Variants in CCNY observed in about 807,000 individuals in gnomAD.
The protein encoded by CCNY is cyclin-Y.
In CCNY, 19 loss-of-function variants were observed where a neutral mutation model predicts 42.8. The observed-to-expected ratio is 0.44, with a 90% confidence interval of 0.31 to 0.65. CCNY has a LOEUF of 0.65. Among genes scored for constraint, CCNY ranks in the 30% least tolerant of loss-of-function variants. The pLI is 0.07. For synonymous variants in CCNY, 165 were observed against 162.7 expected (o/e 1.01, Z -0.11); for missense variants, 370 against 437.3 (o/e 0.85, Z 1.37).
chr10:35,356,939 C>G (rs931709103), intron 1 of CCNY, among the ~76,000 whole-genome samples: 1 of 152,182 alleles, frequency 6.6e-6, no homozygotes, highest in African/African-American at 2.4e-5. Context: ...TGTCTGTCCC[C>G]TGCCTGCCAT....
chr10:35,382,074 T>G (rs1837198181), intron 1 of CCNY, among the ~76,000 whole-genome samples: 2 of 152,242 alleles, frequency 1.3e-5, no homozygotes, highest in South Asian at 4.1e-4. Flanking sequence ...TAAAAAATAT[T>G]CCTTCCTGGG....
At chr10:35,524,157 GT>G (rs1840603335) in intron 4 of CCNY, among the ~76,000 whole-genome samples, 1 of 152,168 alleles carries the variant, frequency 6.6e-6, no homozygotes, top group Admixed American at 6.5e-5. Context: ...CTGAACCTGA[GT>G]TTTTCCCATT....
intron 1 of CCNY, among the ~76,000 whole-genome samples, chr10:35,480,159 A>T (rs1839634646): frequency 1.3e-5 from 2 of 152,134 alleles, no homozygotes; most frequent in South Asian, 2.1e-4. Flanking sequence ...GCTGTGTGTC[A>T]CCGCACTGGG....
intron 3 of CCNY, among the ~76,000 whole-genome samples, chr10:35,285,141 G>A (rs564778866): frequency 5.3e-5 from 8 of 151,976 alleles, no homozygotes; most frequent in African/African-American, 1.9e-4. Flanking sequence ...TCAGCCTTCC[G>A]AGTAGCTGGG....
At chr10:35,359,124 C>T (rs142336182) in intron 1 of CCNY, among the ~76,000 whole-genome samples, 3 of 152,230 alleles carry the variant, frequency 2.0e-5, no homozygotes, top group Non-Finnish European at 4.4e-5. Context: ...TTCCCCTGTA[C>T]TTCTTTGGAC....
At chr10:35,417,542 GT>G (rs1312897843) in intron 1 of CCNY, among the ~76,000 whole-genome samples, 1 of 152,172 alleles carries the variant, frequency 6.6e-6, no homozygotes, top group Non-Finnish European at 1.5e-5. Flanking sequence ...GTTTTTCTTT[GT>G]TTTAATAAAG....
chr10:35,403,952 G>A (rs890903178), intron 1 of CCNY, among the ~76,000 whole-genome samples: 1 of 152,250 alleles, frequency 6.6e-6, no homozygotes, highest in Non-Finnish European at 1.5e-5. Flanking sequence ...AATGTCAGGT[G>A]GATCAGAGAC....
intron 8 of CCNY, among the ~76,000 whole-genome samples, chr10:35,558,027 G>T (rs1841394566): frequency 6.6e-6 from 1 of 152,052 alleles, no homozygotes; most frequent in Non-Finnish European, 1.5e-5. Context: ...AACAGTTTTT[G>T]AATTATATGC....
chr10:35,569,444 G>A lies in CCNY; in HGVS notation c.*274G>A. ...CTGGAGGAGGAAATAAAGGGAAAGGGAAGTCGTGGAGAGGCAGGGAAAATG... is the reference window on the plus strand; with the variant it reads ...CTGGAGGAGGAAATAAAGGGAAAGGAAAGTCGTGGAGAGGCAGGGAAAATG... On this transcript the variant is annotated 3_prime_UTR_variant, in exon 10 of 10. Coordinates refer to ENST00000374704, the MANE Select transcript of CCNY (RefSeq NM_145012.6). The A allele has an allele frequency of 2.1e-6, 1 of 472,948 alleles. No individual in the cohort carries two copies. The highest frequency in any genetic ancestry group is 2.3e-5 in the South Asian group (1 of 43,492). The allele number at this position is 472,948 out of a possible 1,614,324, so 29.3% of individuals were successfully genotyped here.
At chr10:35,380,229 G>A (rs1203923664) in intron 1 of CCNY, among the ~76,000 whole-genome samples, 1 of 152,232 alleles carries the variant, frequency 6.6e-6, no homozygotes, top group Non-Finnish European at 1.5e-5. Flanking sequence ...TGTAATGAAT[G>A]CTTGGAGTCA....
At chr10:35,449,841 G>A (rs1328214910) in intron 1 of CCNY, 16 of 981,178 alleles carry the variant, frequency 1.6e-5, no homozygotes, top group Non-Finnish European at 1.9e-5. Context: ...GAGTGTTGGA[G>A]GTTGGGGGAG....
At chr10:35,435,260 C>A (rs1022740642) in intron 1 of CCNY, among the ~76,000 whole-genome samples, 3 of 152,210 alleles carry the variant, frequency 2.0e-5, no homozygotes, top group African/African-American at 4.8e-5. Flanking sequence ...AAGACACTTA[C>A]ACTTACCTGG....
chr10:35,292,495 G>A (rs1835424504), intron 3 of CCNY, among the ~76,000 whole-genome samples: 2 of 152,056 alleles, frequency 1.3e-5, no homozygotes, highest in South Asian at 4.1e-4. Context: ...CGAGTAGCTG[G>A]GATTACAGGC....
At chr10:35,387,208 A>G (rs562160412) in intron 1 of CCNY, among the ~76,000 whole-genome samples, 2 of 152,308 alleles carry the variant, frequency 1.3e-5, no homozygotes, top group East Asian at 3.8e-4. Context: ...GAAAACACCA[A>G]AACTTATGAT....
intron 8 of CCNY, among the ~76,000 whole-genome samples, chr10:35,563,454 A>G (rs1285420743): frequency 3.9e-5 from 6 of 152,166 alleles, no homozygotes; most frequent in Non-Finnish European, 8.8e-5. Context: ...TATTGGGAGA[A>G]TACGCTTTGC....
At chr10:35,448,656 G>A (rs1838844915) in intron 1 of CCNY, among the ~76,000 whole-genome samples, 1 of 152,056 alleles carries the variant, frequency 6.6e-6, no homozygotes, top group African/African-American at 2.4e-5. Flanking sequence ...TGGGGAAGGA[G>A]CCTTCCCAGC....
chr10:35,539,024 C>T (rs1416278471), intron 7 of CCNY, among the ~76,000 whole-genome samples: 1 of 152,192 alleles, frequency 6.6e-6, no homozygotes, highest in Non-Finnish European at 1.5e-5. Context: ...TTTATCCTTT[C>T]CCCATTGAAC....
chr10:35,519,809 G>A (rs1840510830), intron 4 of CCNY, among the ~76,000 whole-genome samples: 1 of 109,434 alleles, frequency 9.1e-6, no homozygotes, highest in Non-Finnish European at 1.7e-5. Context: ...TTTGAGACAG[G>A]ATCTCTGTCC....
chr10:35,373,355 C>A (rs1224119579), intron 1 of CCNY, among the ~76,000 whole-genome samples: 2 of 152,152 alleles, frequency 1.3e-5, no homozygotes, highest in Non-Finnish European at 2.9e-5. Flanking sequence ...CAGCTGTCAG[C>A]AATGGATTCC....
Sources: gnomAD v4.1 joint callset for allele counts (sites outside exome capture counted in the v4.1 genomes callset) on GRCh38, gnomAD v4.1.1 for gene constraint, MANE v1.5 for transcripts, NCBI Gene and HGNC (gene_info 2026-07-23, HGNC 2026-07-21) for gene names.